The following PHKB variants were observed in gnomAD, a reference collection of about 807,000 sequenced individuals.
PHKB encodes phosphorylase kinase regulatory subunit beta.
In PHKB, 122 loss-of-function variants were observed where a neutral mutation model predicts 152.1. The ratio of observed to expected loss-of-function variants is 0.80; its 90% CI spans 0.69 to 0.93. PHKB has a LOEUF of 0.93. Ranked by LOEUF, PHKB falls within the 40% of genes least tolerant of loss-of-function variation. PHKB has a pLI of 0.00. For missense variants in PHKB, 1,304 were observed against 1,328.4 expected (o/e 0.98, Z 0.29); for synonymous variants, 436 against 464.9 (o/e 0.94, Z 0.80).
chr16:47,626,592 A>C (rs2054273230), intron 14 of PHKB, among the ~76,000 whole-genome samples: 1 of 152,208 alleles, frequency 6.6e-6, no homozygotes, highest in Non-Finnish European at 1.5e-5. Context: ...TACAGCCAGT[A>C]AGATGCAGCA....
intron 7 of PHKB, among the ~76,000 whole-genome samples, chr16:47,572,040 T>C (rs906695144): frequency 1.3e-5 from 2 of 152,132 alleles, no homozygotes; most frequent in South Asian, 4.1e-4. Context: ...GCAAGGGATA[T>C]AGTCATGGGG....
intron 1 of PHKB, among the ~76,000 whole-genome samples, chr16:47,469,531 A>G (rs541006224): frequency 8.5e-5 from 13 of 152,232 alleles, no homozygotes; most frequent in African/African-American, 3.1e-4. Flanking sequence ...ATGTTCTCCT[A>G]AGTGGGAGCT....
chr16:47,680,599 G>T (rs1184144165), intron 26 of PHKB, among the ~76,000 whole-genome samples: 1 of 152,108 alleles, frequency 6.6e-6, no homozygotes, highest in Non-Finnish European at 1.5e-5. Flanking sequence ...GTATTTCTGT[G>T]GGATCGGTGG....
intron 14 of PHKB, among the ~76,000 whole-genome samples, chr16:47,624,814 C>G (rs911158899): frequency 3.3e-5 from 5 of 152,184 alleles, no homozygotes; most frequent in African/African-American, 9.7e-5. Flanking sequence ...CTCAGTCACT[C>G]CTTGTAATGC....
At chr16:47,659,026 A>G (rs999332874) in intron 20 of PHKB, among the ~76,000 whole-genome samples, 1 of 152,256 alleles carries the variant, frequency 6.6e-6, no homozygotes, top group East Asian at 1.9e-4. Context: ...TATACATGCT[A>G]GCCTACATAT....
intron 1 of PHKB, chr16:47,464,218 C>T: frequency 1.8e-6 from 1 of 546,790 alleles, no homozygotes; most frequent in South Asian, 2.1e-5. Context: ...GAGTGCCTGC[C>T]CCGATATTTG....
chr16:47,461,530 G>T, intron 1 of PHKB, 104 bp downstream of exon 1: 1 of 1,147,296 alleles, frequency 8.7e-7, no homozygotes. Context: ...ATGAACCTGT[G>T]CCCCGAGTTC....
chr16:47,685,209 G>A (rs1171807185), intron 26 of PHKB, among the ~76,000 whole-genome samples: 3 of 152,078 alleles, frequency 2.0e-5, no homozygotes, highest in Admixed American at 6.6e-5. Context: ...GGCGGATCAC[G>A]AGGTTAGGAG....
intron 25 of PHKB, 73 bp from the exon 26 acceptor site, chr16:47,669,142 A>C: frequency 1.7e-6 from 2 of 1,152,054 alleles, no homozygotes; most frequent in Non-Finnish European, 2.6e-6. Context: ...AGTCATTCTG[A>C]GCCTTGATTT....
intron 1 of PHKB, among the ~76,000 whole-genome samples, chr16:47,473,555 T>G (rs1969817942): frequency 6.6e-6 from 1 of 152,126 alleles, no homozygotes; most frequent in African/African-American, 2.4e-5. Flanking sequence ...AATCACATGA[T>G]TATTAGTCCA....
chr16:47,507,749 T>G (rs1350321752), intron 4 of PHKB, among the ~76,000 whole-genome samples: 1 of 152,194 alleles, frequency 6.6e-6, no homozygotes, highest in Non-Finnish European at 1.5e-5. Context: ...AAATATGAAA[T>G]GTAAGGAGTA....
At position 47,488,081 on chromosome 16, in the gene PHKB, C is replaced by T. The variant is rs534824881; in HGVS notation, c.77-9318C>T. The stretch of plus-strand genomic sequence containing the variant: ...AGTGTATAAGCGTTCCCTTTTTTTC[C>T]GCAGCTTTGCCAGCATCTGTTATTT... On this transcript the variant is annotated intron_variant, in intron 1 of 30. Coordinates refer to ENST00000323584, the MANE Select transcript of PHKB (RefSeq NM_000293.3). Among the ~76,000 whole-genome samples, 12 of 152,140 alleles carry T rather than the reference C, an allele frequency of 7.9e-5. No individual in the cohort carries two copies. The East Asian group carries it at 1.2e-3, about 15-fold the overall frequency.
At chr16:47,686,634 T>A (rs1217376639) in intron 26 of PHKB, among the ~76,000 whole-genome samples, 1 of 152,246 alleles carries the variant, frequency 6.6e-6, no homozygotes, top group Non-Finnish European at 1.5e-5. Context: ...TCTTTGCTTT[T>A]CATTATGAAG....
chr16:47,652,111 C>A (rs1973248018), intron 20 of PHKB, among the ~76,000 whole-genome samples: 1 of 151,700 alleles, frequency 6.6e-6, no homozygotes, highest in Non-Finnish European at 1.5e-5. Context: ...ATGTTGGAGG[C>A]ATTTGTCAGA....
At chr16:47,625,920 C>T (rs1972700991) in intron 14 of PHKB, among the ~76,000 whole-genome samples, 1 of 152,156 alleles carries the variant, frequency 6.6e-6, no homozygotes, top group Admixed American at 6.5e-5. Flanking sequence ...GTCTTGCCCT[C>T]AAAGTACCCA....
At chr16:47,463,467 G>C (rs901164313) in intron 1 of PHKB, 1 of 169,942 alleles carries the variant, frequency 5.9e-6, no homozygotes. Flanking sequence ...TTAATAACTC[G>C]AGTTAATAAC....
rs550700898 is a variant in PHKB, at chr16:47,603,436, G to C, written c.1363+6905G>C. On this transcript the variant is annotated intron_variant, in intron 13 of 30. Coordinates refer to ENST00000323584, the MANE Select transcript of PHKB (RefSeq NM_000293.3). Reference sequence around the variant, plus strand: ...GCATTATAAACATCGGGAAGCACATGTAGTATTACTTTAAAGGCTTCACCT... The same window carrying C: ...GCATTATAAACATCGGGAAGCACATCTAGTATTACTTTAAAGGCTTCACCT... 2.6e-5 allele frequency among the ~76,000 whole-genome samples: 4 copies of C among 151,804 alleles called. No individual in the cohort carries two copies. The East Asian group carries it at 7.7e-4, about 29-fold the overall frequency.
intron 10 of PHKB, among the ~76,000 whole-genome samples, chr16:47,593,275 GAC>G (rs1972062614): frequency 6.6e-6 from 1 of 151,328 alleles, no homozygotes; most frequent in African/African-American, 2.4e-5. Context: ...GAGAGAGAGA[GAC>G]AGAGATAGCC....
intron 10 of PHKB, among the ~76,000 whole-genome samples, chr16:47,592,795 C>T (rs1053566683): frequency 6.6e-6 from 1 of 152,138 alleles, no homozygotes; most frequent in Admixed American, 6.5e-5. Context: ...TGAAGGACTG[C>T]AGTTTGATGG....
Sources: gnomAD v4.1 joint callset for allele counts (sites outside exome capture counted in the v4.1 genomes callset) on GRCh38, gnomAD v4.1.1 for gene constraint, MANE v1.5 for transcripts, NCBI Gene and HGNC (gene_info 2026-07-23, HGNC 2026-07-21) for gene names.